Variants in GNG4 observed in about 807,000 individuals in gnomAD.
GNG4 encodes the protein G protein subunit gamma 4.
In GNG4, 4 loss-of-function variants were observed where a neutral mutation model predicts 5.8. The ratio of observed to expected loss-of-function variants is 0.69; its 90% CI spans 0.34 to 1.57. The LOEUF is 1.57. GNG4 is among the 40% of genes most tolerant of loss of function. The pLI is 0.06. For missense variants in GNG4, 96 were observed against 95.1 expected, an observed-to-expected ratio of 1.01 and a Z score of -0.04; for synonymous variants, 29 against 32.9, an observed-to-expected ratio of 0.88 and a Z score of 0.41.
intron 1 of GNG4, among the ~76,000 whole-genome samples, chr1:235,600,100 C>CTTTTTTTTTT (rs533853180): frequency 0.026 from 1,124 of 43,134 alleles, 316 homozygotes; most frequent in African/African-American, 0.063. Context: ...CGGAAGAAAG[C>CTTTTTTTTTT]TTTTTTTTTT....
At chr1:235,615,807 C>G (rs1376219502) in intron 1 of GNG4, 1 of 265,650 alleles carries the variant, frequency 3.8e-6, no homozygotes, top group Non-Finnish European at 7.7e-6. Flanking sequence ...GCCCTCAGCA[C>G]TGCCACAGTG....
At position 235,560,669 on chromosome 1, in the gene GNG4, T is replaced by C. The variant is rs141155177; in HGVS notation, c.100-8432A>G. On this transcript the variant is annotated intron_variant, in intron 3 of 3. Coordinates refer to ENST00000391854, the MANE Select transcript of GNG4 (RefSeq NM_001098722.2). The stretch of plus-strand genomic sequence containing the variant: ...AAGTTTCTCAGAAATTATTAGGGCA[T>C]TGGATGCCCACAATGGCCCTGACCA... Among the ~76,000 whole-genome samples the C allele has an allele frequency of 7.3e-3, 1,110 of 152,304 alleles. 13 individuals are homozygous for C. Among genetic ancestry groups the C allele is most frequent in the African/African-American group, 0.025 (1,040 of 41,568 alleles).
intron 3 of GNG4, among the ~76,000 whole-genome samples, chr1:235,570,037 G>A (rs1011090104): frequency 1.3e-5 from 2 of 152,088 alleles, no homozygotes; most frequent in Admixed American, 1.3e-4. Flanking sequence ...TCTGGAATAC[G>A]GCAAGCAGTT....
rs551782986 is a variant in GNG4 at position 235,611,417 on chromosome 1, C to T, written c.-122-15906G>A. 3.9e-5 allele frequency among the ~76,000 whole-genome samples: 6 copies of T among 152,264 alleles called. 1 individual carries two copies. The South Asian group carries it at 1.2e-3, about 32-fold the overall frequency. ...CTGGAACTCCTGGGCTCAAGCAGTC[C>T]TCCCACTTTGCCTACCAATGTGCTG... On this transcript the variant is annotated intron_variant, in intron 1 of 3. Transcript: ENST00000391854.
At chr1:235,619,417 C>A (rs1284260266) in intron 1 of GNG4, among the ~76,000 whole-genome samples, 1 of 151,836 alleles carries the variant, frequency 6.6e-6, no homozygotes, top group Non-Finnish European at 1.5e-5. Flanking sequence ...AAAAAAGCAT[C>A]AGTTTTGTTT....
chr1:235,644,363 C>T lies in GNG4; in HGVS notation c.-123+5299G>A, dbSNP rs1400711299. The stretch of plus-strand genomic sequence containing the variant: ...GAGGTCAACATTTTGGAATTTTCTA[C>T]TCACATCCACCGAGCGACCCTCCTC... On this transcript the variant is annotated intron_variant, in intron 1 of 3. Coordinates refer to ENST00000391854, the MANE Select transcript of GNG4 (RefSeq NM_001098722.2). The surrounding 1 kb of genome is among the most constrained non-coding windows in gnomAD (Gnocchi z 5.9). Among the ~76,000 whole-genome samples the T allele has an allele frequency of 3.3e-5, 5 of 152,224 alleles. No homozygotes were observed.
chr1:235,576,608 GT>G (rs1687490796), intron 3 of GNG4, among the ~76,000 whole-genome samples: 1 of 152,142 alleles, frequency 6.6e-6, no homozygotes, highest in South Asian at 2.1e-4. Flanking sequence ...GACATTACTT[GT>G]TTTTAGCTGC....
intron 2 of GNG4, among the ~76,000 whole-genome samples, chr1:235,587,349 G>A (rs1448226304): frequency 8.8e-6 from 1 of 113,590 alleles, no homozygotes; most frequent in Non-Finnish European, 1.8e-5. Flanking sequence ...ATGTATGAGG[G>A]TCAGGGGTGG....
At chr1:235,615,940 C>T (rs1006564862) in intron 1 of GNG4, 8 of 302,136 alleles carry the variant, frequency 2.6e-5, no homozygotes, top group Admixed American at 4.6e-5. Context: ...TTTATCAGCA[C>T]TCTGGCCTGG....
intron 1 of GNG4, among the ~76,000 whole-genome samples, chr1:235,606,806 G>T (rs1688369905): frequency 6.6e-6 from 1 of 152,068 alleles, no homozygotes; most frequent in African/African-American, 2.4e-5. Flanking sequence ...GGGAGCATGG[G>T]TCAGAAGGCT....
chr1:235,595,862 G>A lies in GNG4; in HGVS notation c.-122-351C>T, dbSNP rs191641705. Among the ~76,000 whole-genome samples, 12 of 152,240 alleles carry A rather than the reference G, an allele frequency of 7.9e-5. No homozygotes were observed. In the East Asian group the frequency reaches 2.3e-3, roughly 29 times the overall value. On this transcript the variant is annotated intron_variant, in intron 1 of 3. Coordinates refer to ENST00000391854, the MANE Select transcript of GNG4 (RefSeq NM_001098722.2). ...CCTATGCCAAATGGAAACAGGTCAC[G>A]TGTTTTCTTCTTATAAAAATATACA...
chr1:235,645,797 C>CAAAAAAAAAAAA (rs6143682), intron 1 of GNG4, among the ~76,000 whole-genome samples: 19 of 90,384 alleles, frequency 2.1e-4, no homozygotes, highest in African/African-American at 7.7e-4. Context: ...AACTCAGTCT[C>CAAAAAAAAAAAA]AAAAAAAAAA....
chr1:235,566,184 T>G (rs1687190035), intron 3 of GNG4: 1 of 152,266 alleles, frequency 6.6e-6, no homozygotes, highest in Admixed American at 6.5e-5. Flanking sequence ...ATCGTGAGTG[T>G]TCTGTCTTTC....
At chr1:235,643,357 C>A (rs148216917) in intron 1 of GNG4, among the ~76,000 whole-genome samples, 124 of 152,272 alleles carry the variant, frequency 8.1e-4, no homozygotes, top group African/African-American at 2.8e-3. Flanking sequence ...CTCAAGACTC[C>A]CTCTGTTGTC....
At chr1:235,610,028 T>G (rs1688447414) in intron 1 of GNG4, among the ~76,000 whole-genome samples, 1 of 152,206 alleles carries the variant, frequency 6.6e-6, no homozygotes, top group African/African-American at 2.4e-5. Flanking sequence ...GTTACCATCA[T>G]CTAATCCTCT....
At chr1:235,559,298 G>A (rs967313124) in intron 3 of GNG4, among the ~76,000 whole-genome samples, 6 of 152,130 alleles carry the variant, frequency 3.9e-5, no homozygotes, top group Admixed American at 6.6e-5. Context: ...ATTTTTACAC[G>A]GTGAAATTTG....
chr1:235,587,293 G>GGTGT (rs1373254944), intron 2 of GNG4, among the ~76,000 whole-genome samples: 2 of 86,790 alleles, frequency 2.3e-5, no homozygotes, highest in Non-Finnish European at 4.2e-5. Flanking sequence ...TGTGGGTTGG[G>GGTGT]GTGTGTGTGA....
Position 235,550,262 on chromosome 1 carries a change from T to C in GNG4, c.*1847A>G, listed in dbSNP as rs1303005226. The stretch of plus-strand genomic sequence containing the variant: ...AAACTACCAGAATACGGCTTCCTCC[T>C]GGAGAATGTGGGAAGTGAAGTGTGC... On this transcript the variant is annotated 3_prime_UTR_variant, in exon 4 of 4. Transcript: ENST00000391854. The C allele has an allele frequency of 6.6e-6, 1 of 152,224 alleles. No homozygotes were observed. The highest frequency in any genetic ancestry group is 2.4e-5 in the African/African-American group (1 of 41,448). The allele number at this position is 152,224 out of a possible 1,614,324, so 9.4% of individuals were successfully genotyped here. A position where few individuals can be genotyped will look rare whatever the true frequency, so the allele number is the denominator to read the frequency against.
intron 1 of GNG4, among the ~76,000 whole-genome samples, chr1:235,631,874 T>C (rs1398535412): frequency 6.6e-6 from 1 of 152,066 alleles, no homozygotes; most frequent in Non-Finnish European, 1.5e-5. Flanking sequence ...GGCCAGTTTT[T>C]TCTAATTCCT....
Sources: allele counts gnomAD v4.1 joint callset (sites outside exome capture counted in the v4.1 genomes callset), GRCh38; gene constraint gnomAD v4.1.1; non-coding constraint Gnocchi (gnomAD v3.1); transcripts MANE v1.5; gene names NCBI Gene and HGNC (gene_info 2026-07-23, HGNC 2026-07-21).